Variants in SLCO1A2 observed in about 807,000 individuals in gnomAD.
SLCO1A2 encodes the protein OATP-1.
In SLCO1A2, 67 loss-of-function variants were observed where a neutral mutation model predicts 69.0. That is an observed-to-expected ratio of 0.97 (90% confidence interval 0.80 to 1.19). The LOEUF (loss-of-function observed/expected upper bound fraction) is 1.19. SLCO1A2 is among the 50% of genes most tolerant of loss of function. The probability of loss-of-function intolerance (pLI) is 0.00; values close to 1 mark genes in which losing one functional copy is unlikely to be tolerated. For synonymous variants in SLCO1A2, 260 were observed against 265.9 expected (o/e 0.98, Z 0.22); for missense variants, 787 against 793.7 (o/e 0.99, Z 0.10).
At chr12:21,324,133 T>C (rs1207139879) in intron 2 of SLCO1A2, among the ~76,000 whole-genome samples, 1 of 152,224 alleles carries the variant, frequency 6.6e-6, no homozygotes, top group African/African-American at 2.4e-5. Context: ...AGCTATCTCA[T>C]TAGGGATTCA....
chr12:21,344,831 T>C (rs1953201049), intron 2 of SLCO1A2, among the ~76,000 whole-genome samples: 1 of 152,058 alleles, frequency 6.6e-6, no homozygotes, highest in Non-Finnish European at 1.5e-5. Flanking sequence ...AGAATGGGTT[T>C]TTTTCTTTAC....
Position 21,286,109 on chromosome 12 carries a change from C to T in SLCO1A2, c.1610+6055G>A, listed in dbSNP as rs1368579316. 5.1e-4 allele frequency among the ~76,000 whole-genome samples: 76 copies of T among 150,024 alleles called. 1 individual carries two copies. The South Asian group carries it at 0.016, about 31-fold the overall frequency. Reference sequence around the variant, plus strand: ...TGACATGATTGTTTATCTAGAAAACCCCATTGTCTCAGCCCAAAATCTCCT... The same window carrying T: ...TGACATGATTGTTTATCTAGAAAACTCCATTGTCTCAGCCCAAAATCTCCT... On this transcript the variant is annotated intron_variant, in intron 12 of 14. Transcript: ENST00000683939.
rs1037043232 is a variant in SLCO1A2 at position 21,268,422 on chromosome 12, AT to A, written c.*1125del. The A allele has an allele frequency of 2.0e-5, 3 of 152,036 alleles. No individual in the cohort carries two copies. The highest frequency in any genetic ancestry group is 2.0e-4 in the Admixed American group (3 of 15,238). 9.4% of individuals were successfully genotyped at this position (152,036 alleles called of 1,614,324 possible). On this transcript the variant is annotated 3_prime_UTR_variant, in exon 15 of 15. Coordinates refer to ENST00000683939, the MANE Select transcript of SLCO1A2 (RefSeq NM_001386879.1). ...ATGTCATTCTTATATATTGACTGTC[AT>A]TTCAACAGGAAGGAGAGTAAGGAGT...
intron 1 of SLCO1A2, among the ~76,000 whole-genome samples, chr12:21,380,691 T>A (rs182819623): frequency 7.9e-5 from 12 of 152,290 alleles, no homozygotes; most frequent in Admixed American, 7.8e-4. Flanking sequence ...TTATTGTAAT[T>A]GGAGGTACCA....
chr12:21,296,644 A>G (rs942810303), intron 9 of SLCO1A2, among the ~76,000 whole-genome samples: 1 of 152,114 alleles, frequency 6.6e-6, no homozygotes, highest in African/African-American at 2.4e-5. Context: ...ACCCTTCCCA[A>G]TAAGTGAAAA....
At chr12:21,279,984 C>A (rs1437007981) in intron 12 of SLCO1A2, among the ~76,000 whole-genome samples, 2 of 151,490 alleles carry the variant, frequency 1.3e-5, no homozygotes, top group Non-Finnish European at 2.9e-5. Context: ...TTTTAGTTTT[C>A]TTTTTGCTTA....
chr12:21,405,544 G>A (rs1941809905), intron 1 of SLCO1A2, among the ~76,000 whole-genome samples: 1 of 152,148 alleles, frequency 6.6e-6, no homozygotes, highest in Admixed American at 6.5e-5. Flanking sequence ...CAAGGCTACA[G>A]TAACCAAAAC....
At chr12:21,341,964 G>A (rs1953083755) in intron 2 of SLCO1A2, among the ~76,000 whole-genome samples, 1 of 151,960 alleles carries the variant, frequency 6.6e-6, no homozygotes, top group Admixed American at 6.6e-5. Flanking sequence ...AGGATTAATC[G>A]ATGAGCATGT....
chr12:21,383,985 T>TA (rs1940740543), intron 1 of SLCO1A2, among the ~76,000 whole-genome samples: 1 of 152,216 alleles, frequency 6.6e-6, no homozygotes, highest in Non-Finnish European at 1.5e-5. Context: ...ATTAAGTTGA[T>TA]AGAGTGTGGC....
At chr12:21,389,636 A>G (rs1941055391) in intron 1 of SLCO1A2, among the ~76,000 whole-genome samples, 1 of 152,092 alleles carries the variant, frequency 6.6e-6, no homozygotes, top group Non-Finnish European at 1.5e-5. Context: ...ATTTTTTGAC[A>G]TGACATTATA....
intron 9 of SLCO1A2, among the ~76,000 whole-genome samples, 155 bp downstream of exon 9, chr12:21,297,243 TTCTTTC>T (rs1947867386): frequency 7.9e-6 from 1 of 126,094 alleles, no homozygotes; most frequent in Non-Finnish European, 1.6e-5. Context: ...CTTTCTTTCT[TTCTTTC>T]TCTTTCTTTC....
intron 1 of SLCO1A2, among the ~76,000 whole-genome samples, chr12:21,386,117 C>T (rs1282130851): frequency 6.6e-6 from 1 of 151,918 alleles, no homozygotes; most frequent in Non-Finnish European, 1.5e-5. Flanking sequence ...TGCCAAAGAG[C>T]AAAAAGTCAA....
At position 21,275,384 on chromosome 12, in the gene SLCO1A2, G is replaced by GT. The variant is rs750888092; in HGVS notation, c.1650dup (p.His551ThrfsTer35). On this transcript the variant is annotated frameshift_variant, in exon 13 of 15. Transcript: ENST00000683939. LOFTEE classifies it high-confidence loss of function. Reference sequence around the variant, plus strand: ...CCAAATACTCTTGTGCAAAATGTATGTAATCCCACACCAAGGGACTTCTCT... The same window carrying GT: ...CCAAATACTCTTGTGCAAAATGTATGTTAATCCCACACCAAGGGACTTCTCT... The GT allele has an allele frequency of 1.0e-5, 16 of 1,558,268 alleles. No individual in the cohort carries two copies. The South Asian group carries it at 1.8e-4, about 18-fold the overall frequency.
chr12:21,297,022 G>A (rs949305576), intron 9 of SLCO1A2, among the ~76,000 whole-genome samples: 1 of 152,116 alleles, frequency 6.6e-6, no homozygotes, highest in African/African-American at 2.4e-5. Context: ...GAGGAACATA[G>A]AATCCTTGAA....
chr12:21,372,112 C>T (rs1385955086), intron 2 of SLCO1A2, among the ~76,000 whole-genome samples: 1 of 152,104 alleles, frequency 6.6e-6, no homozygotes, highest in Admixed American at 6.5e-5. Flanking sequence ...CTACAAAGTA[C>T]TGTGTGAGCT....
At chr12:21,400,841 C>T (rs1390925114) in intron 1 of SLCO1A2, among the ~76,000 whole-genome samples, 1 of 125,566 alleles carries the variant, frequency 8.0e-6, no homozygotes, top group Non-Finnish European at 1.6e-5. Context: ...ATCACATGGA[C>T]ACAGGAAGGG....
intron 2 of SLCO1A2, among the ~76,000 whole-genome samples, chr12:21,322,827 G>A (rs1221324655): frequency 6.6e-6 from 1 of 152,136 alleles, no homozygotes; most frequent in Non-Finnish European, 1.5e-5. Context: ...GAGAGGAAGG[G>A]TCCATTCAGA....
chr12:21,288,773 A>T (rs977493845), intron 12 of SLCO1A2, among the ~76,000 whole-genome samples: 1 of 152,042 alleles, frequency 6.6e-6, no homozygotes, highest in Non-Finnish European at 1.5e-5. Context: ...TATCTCACAT[A>T]ACCCATAAAT....
chr12:21,325,120 G>A (rs61927782), intron 2 of SLCO1A2, among the ~76,000 whole-genome samples: 17,421 of 152,148 alleles, frequency 0.11, 1,092 homozygotes, highest in Non-Finnish European at 0.15. Context: ...ATATGAAGTG[G>A]AGAATTTGTC....
Sources: gnomAD v4.1 joint callset for allele counts (sites outside exome capture counted in the v4.1 genomes callset) on GRCh38, gnomAD v4.1.1 for gene constraint, MANE v1.5 for transcripts, NCBI Gene and HGNC (gene_info 2026-07-23, HGNC 2026-07-21) for gene names.